The following GTF2F2 variants were observed in gnomAD, a reference collection of about 807,000 sequenced individuals.
The protein encoded by GTF2F2 is ATP-dependent helicase GTF2F2.
GTF2F2 carries 23 observed loss-of-function variants against 42.2 expected under a neutral mutation model. The ratio of observed to expected loss-of-function variants is 0.55; its 90% CI spans 0.39 to 0.77. The LOEUF (loss-of-function observed/expected upper bound fraction) is 0.77. Among genes scored for constraint, GTF2F2 ranks in the 30% least tolerant of loss-of-function variants. The pLI, the probability that GTF2F2 is intolerant of heterozygous loss-of-function variation, is 0.00. For missense variants in GTF2F2, 261 were observed against 287.2 expected, an observed-to-expected ratio of 0.91 and a Z score of 0.66; for synonymous variants, 105 against 100.8, an observed-to-expected ratio of 1.04 and a Z score of -0.25.
At chr13:45,149,676 T>G in intron 2 of GTF2F2, 94 bp from the exon 3 acceptor site, 1 of 1,204,682 alleles carries the variant, frequency 8.3e-7, no homozygotes, top group Non-Finnish European at 1.1e-6. Flanking sequence ...TAATATTTTA[T>G]GTAAATATGA....
At chr13:45,269,322 C>G (rs1267537777) in intron 7 of GTF2F2, among the ~76,000 whole-genome samples, 2 of 152,180 alleles carry the variant, frequency 1.3e-5, no homozygotes, top group East Asian at 1.9e-4. Context: ...TGGCAGGCCT[C>G]TCACGTCATT....
At chr13:45,175,772 G>T (rs916314064) in intron 4 of GTF2F2, among the ~76,000 whole-genome samples, 1 of 152,032 alleles carries the variant, frequency 6.6e-6, no homozygotes, top group Non-Finnish European at 1.5e-5. Context: ...ACAGGCATGC[G>T]CCGCTACACC....
chr13:45,247,824 T>G (rs1312548317), intron 5 of GTF2F2, among the ~76,000 whole-genome samples: 1 of 151,114 alleles, frequency 6.6e-6, no homozygotes, highest in African/African-American at 2.5e-5. Flanking sequence ...AAAATTGCAG[T>G]TTTTGTTGTT....
intron 4 of GTF2F2, among the ~76,000 whole-genome samples, chr13:45,178,480 T>G (rs1210861393): frequency 6.6e-6 from 1 of 151,808 alleles, no homozygotes; most frequent in Non-Finnish European, 1.5e-5. Flanking sequence ...ATCTGAGAAT[T>G]CCAATCTCTG....
At chr13:45,236,220 A>G (rs1271567917) in intron 5 of GTF2F2, among the ~76,000 whole-genome samples, 1 of 152,158 alleles carries the variant, frequency 6.6e-6, no homozygotes, top group Non-Finnish European at 1.5e-5. Flanking sequence ...CCTCTGAGTC[A>G]TACATACCAT....
chr13:45,244,802 C>T (rs1321856902), intron 5 of GTF2F2, among the ~76,000 whole-genome samples: 2 of 152,192 alleles, frequency 1.3e-5, no homozygotes, highest in Non-Finnish European at 2.9e-5. Context: ...TCCTGAGTAG[C>T]TGGGATTACA....
chr13:45,275,438 G>A (rs1384318107), intron 7 of GTF2F2, among the ~76,000 whole-genome samples: 1 of 150,568 alleles, frequency 6.6e-6, no homozygotes, highest in Admixed American at 6.7e-5. Flanking sequence ...ATCTCCTAAT[G>A]CTATCCCTCT....
chr13:45,139,562 G>T (rs1869815862), intron 2 of GTF2F2, among the ~76,000 whole-genome samples: 1 of 152,022 alleles, frequency 6.6e-6, no homozygotes, highest in African/African-American at 2.4e-5. Context: ...AGCTCATTGA[G>T]GTATTTTCTG....
intron 2 of GTF2F2, among the ~76,000 whole-genome samples, chr13:45,148,449 A>AC (rs1566114289): frequency 6.6e-6 from 1 of 150,640 alleles, no homozygotes; most frequent in Non-Finnish European, 1.5e-5. Context: ...TTGTGATCAG[A>AC]CCCTTTTGTG....
intron 1 of GTF2F2, among the ~76,000 whole-genome samples, chr13:45,136,066 C>T (rs1869603643): frequency 6.6e-6 from 1 of 152,196 alleles, no homozygotes; most frequent in Admixed American, 6.5e-5. Context: ...AGGCAGAATG[C>T]CTGGGTTCAA....
At chr13:45,130,565 G>A (rs1043071870) in intron 1 of GTF2F2, among the ~76,000 whole-genome samples, 3 of 152,144 alleles carry the variant, frequency 2.0e-5, no homozygotes, top group Non-Finnish European at 2.9e-5. Flanking sequence ...GGTGGCTTGG[G>A]CTAGGGTAGT....
At chr13:45,126,875 T>C (rs907169231) in intron 1 of GTF2F2, among the ~76,000 whole-genome samples, 11 of 152,168 alleles carry the variant, frequency 7.2e-5, no homozygotes, top group Admixed American at 7.2e-4. Context: ...AGTGAGTTAT[T>C]TTCTGTCACT....
chr13:45,131,850 A>C (rs1394382395), intron 1 of GTF2F2, among the ~76,000 whole-genome samples: 1 of 145,904 alleles, frequency 6.9e-6, no homozygotes, highest in Non-Finnish European at 1.5e-5. Context: ...GGTTGCAGTG[A>C]GCCAAAATTG....
At chr13:45,227,218 T>A (rs1299793855) in intron 5 of GTF2F2, among the ~76,000 whole-genome samples, 2 of 152,250 alleles carry the variant, frequency 1.3e-5, no homozygotes, top group Non-Finnish European at 2.9e-5. Context: ...CCTGCAAAAG[T>A]ATGTTGACAT....
chr13:45,212,572 C>CT (rs1034535372), intron 5 of GTF2F2, among the ~76,000 whole-genome samples: 7 of 139,076 alleles, frequency 5.0e-5, no homozygotes, highest in African/African-American at 1.4e-4. Context: ...TTCTTTCTTT[C>CT]TTTTTTTTGA....
intron 5 of GTF2F2, among the ~76,000 whole-genome samples, chr13:45,249,441 A>G (rs1341622780): frequency 2.0e-5 from 3 of 152,204 alleles, no homozygotes; most frequent in Admixed American, 2.0e-4. Flanking sequence ...TAAAAACTGC[A>G]TGACACTGTA....
intron 7 of GTF2F2, among the ~76,000 whole-genome samples, chr13:45,279,562 T>C (rs573038033): frequency 6.6e-6 from 1 of 152,320 alleles, no homozygotes; most frequent in South Asian, 2.1e-4. Context: ...GCACGCCTTA[T>C]TCACTTTGCA....
At chr13:45,242,443 A>G (rs555496164) in intron 5 of GTF2F2, among the ~76,000 whole-genome samples, 1 of 152,120 alleles carries the variant, frequency 6.6e-6, no homozygotes, top group African/African-American at 2.4e-5. Context: ...TGTTTAGAAA[A>G]TACACATTCT....
intron 4 of GTF2F2, chr13:45,194,643 G>A (rs771462792): frequency 4.2e-5 from 55 of 1,305,802 alleles, no homozygotes; most frequent in Admixed American, 1.7e-4. Flanking sequence ...ACACAAGCAC[G>A]CCTTTATTCA....
Sources: gnomAD v4.1 joint callset for allele counts (sites outside exome capture counted in the v4.1 genomes callset) on GRCh38, gnomAD v4.1.1 for gene constraint, MANE v1.5 for transcripts, NCBI Gene and HGNC (gene_info 2026-07-23, HGNC 2026-07-21) for gene names.